The following PDE4D variants were observed in gnomAD, a reference collection of about 807,000 sequenced individuals.
PDE4D encodes phosphodiesterase 4D.
PDE4D carries 24 observed loss-of-function variants against 87.4 expected under a neutral mutation model. That is an observed-to-expected ratio of 0.27 (90% CI 0.20 to 0.39). The LOEUF (loss-of-function observed/expected upper bound fraction) is 0.39, where lower values mean the gene tolerates loss of function less well. Ranked by LOEUF, PDE4D falls within the 10% of genes least tolerant of loss-of-function variation. The probability of loss-of-function intolerance (pLI) is 1.00; values close to 1 mark genes in which losing one functional copy is unlikely to be tolerated. For synonymous variants in PDE4D, 384 were observed against 383.2 expected (o/e 1.00, Z -0.02); for missense variants, 714 against 1,041.0 (o/e 0.69, Z 4.32).
At chr5:59,795,741 G>C (rs1374123204) in intron 1 of PDE4D, among the ~76,000 whole-genome samples, 1 of 152,090 alleles carries the variant, frequency 6.6e-6, no homozygotes, top group African/African-American at 2.4e-5. Context: ...GCTATGGGTT[G>C]AATTGTGTCC....
At position 60,173,726 on chromosome 5, in the gene PDE4D, A is replaced by G. The variant is rs973646052; in HGVS notation, c.42+11831T>C. Reference sequence around the variant, plus strand: ...CCACAGAAACAGCTAATGGAGCAACAGTCAGCAGCTTCCATATATAATTTT... The same window carrying G: ...CCACAGAAACAGCTAATGGAGCAACGGTCAGCAGCTTCCATATATAATTTT... On this transcript the variant is annotated intron_variant, in intron 2 of 16. Coordinates refer to the PDE4D transcript ENST00000502484. 3.9e-5 allele frequency among the ~76,000 whole-genome samples: 6 copies of G among 152,176 alleles called. No homozygotes were observed. In the East Asian group the frequency reaches 1.2e-3, roughly 29 times the overall value.
At chr5:59,807,207 C>T (rs997085439) in intron 1 of PDE4D, among the ~76,000 whole-genome samples, 1 of 152,052 alleles carries the variant, frequency 6.6e-6, no homozygotes, top group Non-Finnish European at 1.5e-5. Context: ...AGAGGTCCTG[C>T]CCTGGGAGCC....
At chr5:60,071,292 A>AT (rs1017424549) in intron 2 of PDE4D, among the ~76,000 whole-genome samples, 2 of 151,734 alleles carry the variant, frequency 1.3e-5, no homozygotes, top group East Asian at 3.9e-4. Context: ...ATTGTTTAAG[A>AT]TTTTTTTCTT....
In PDE4D at chr5:59,653,208, A is replaced by ATTTTTTTTTTTTTTTTTTTTTTTTT. The variant is rs555841091; in HGVS notation, c.455+239959_455+239960insAAAAAAAAAAAAAAAAAAAAAAAAA. 1.6e-5 allele frequency among the ~76,000 whole-genome samples: 2 copies of ATTTTTTTTTTTTTTTTTTTTTTTTT among 125,736 alleles called. 1 individual carries two copies. The highest frequency in any genetic ancestry group is 5.0e-4 in the South Asian group (2 of 4,006). 82.5% of individuals were successfully genotyped at this position (125,736 alleles called of 152,430 possible). A position where few individuals can be genotyped will look rare whatever the true frequency, so the allele number is the denominator to read the frequency against. On this transcript the variant is annotated intron_variant, in intron 1 of 14. Coordinates refer to ENST00000340635, the MANE Select transcript of PDE4D (RefSeq NM_001104631.2). ...TCAAATAATGTTAGCAAAAAAAAAAATTTTTTTTTTTTTTTTTAGACAGAG... is the reference window on the plus strand; with the variant it reads ...TCAAATAATGTTAGCAAAAAAAAAAATTTTTTTTTTTTTTTTTTTTTTTTTTTTTTTTTTTTTTTTTTAGACAGAG...
At chr5:59,439,605 G>C (rs1010405377) in intron 1 of PDE4D, among the ~76,000 whole-genome samples, 1 of 152,176 alleles carries the variant, frequency 6.6e-6, no homozygotes, top group Non-Finnish European at 1.5e-5. Context: ...TTATGGAGCT[G>C]ACATTCCAGT....
At chr5:59,349,426 TA>T (rs1284231835) in intron 1 of PDE4D, among the ~76,000 whole-genome samples, 1 of 152,094 alleles carries the variant, frequency 6.6e-6, no homozygotes, top group African/African-American at 2.4e-5. Flanking sequence ...TTGTAAGAAG[TA>T]TTCCTTATTT....
rs530361159 is a variant in PDE4D, at chr5:59,177,125, T to C, written c.808+3470A>G. 2.0e-5 allele frequency among the ~76,000 whole-genome samples: 3 copies of C among 152,264 alleles called. No homozygotes were observed. The East Asian group carries it at 5.8e-4, about 29-fold the overall frequency. On this transcript the variant is annotated intron_variant, in intron 5 of 14. Transcript: ENST00000340635. The stretch of plus-strand genomic sequence containing the variant: ...ATCCTAACCCAATATGTGTTGGTAT[T>C]TGGAGGCCGGGCCTGTGGGAGGTGA...
chr5:59,861,649 T>A (rs1235038358), intron 1 of PDE4D, among the ~76,000 whole-genome samples: 1 of 152,224 alleles, frequency 6.6e-6, no homozygotes. Flanking sequence ...GTTCATTTTT[T>A]TTCCCCCAGC....
In PDE4D at chr5:58,993,890, A is replaced by G. The variant is rs1304230821; in HGVS notation, c.922-425T>C. Reference sequence around the variant, plus strand: ...AAGATGTATTATTAGTTATTTAGAGAAGAGAGAAACTAATTTATAGCACAT... The same window carrying G: ...AAGATGTATTATTAGTTATTTAGAGGAGAGAGAAACTAATTTATAGCACAT... On this transcript the variant is annotated intron_variant, in intron 6 of 14. Transcript: ENST00000340635. Among the ~76,000 whole-genome samples, 3 of 152,268 alleles carry G rather than the reference A, an allele frequency of 2.0e-5. No individual in the cohort carries two copies. In the East Asian group the frequency reaches 5.8e-4, roughly 29 times the overall value.
At chr5:60,182,402 A>G (rs928854352) in intron 2 of PDE4D, among the ~76,000 whole-genome samples, 7 of 152,238 alleles carry the variant, frequency 4.6e-5, no homozygotes, top group African/African-American at 1.7e-4. Flanking sequence ...TATTAAATCA[A>G]TCATCCCTTA....
intron 1 of PDE4D, among the ~76,000 whole-genome samples, chr5:59,804,675 T>C (rs1767541181): frequency 1.3e-5 from 2 of 152,220 alleles, no homozygotes; most frequent in Non-Finnish European, 2.9e-5. Context: ...CGGAAGAGTA[T>C]ACAGAATATT....
chr5:60,110,195 T>G (rs1035581631), intron 2 of PDE4D, among the ~76,000 whole-genome samples: 1 of 152,002 alleles, frequency 6.6e-6, no homozygotes, highest in Admixed American at 6.6e-5. Context: ...CTAAAAAGTT[T>G]CTGTACAGAA....
upstream of PDE4D, among the ~76,000 whole-genome samples, chr5:60,492,785 T>C (rs960452710): frequency 2.6e-5 from 4 of 151,730 alleles, no homozygotes; most frequent in Admixed American, 6.6e-5. Context: ...GAGAAATACC[T>C]AATATAAATG....
chr5:59,713,786 G>A (rs570388322), intron 1 of PDE4D, among the ~76,000 whole-genome samples: 88 of 152,334 alleles, frequency 5.8e-4, no homozygotes, highest in African/African-American at 1.5e-3. Flanking sequence ...AGAGCACCGA[G>A]AAGGAATGAG....
chr5:59,537,990 G>A (rs968592762), intron 1 of PDE4D, among the ~76,000 whole-genome samples: 2 of 152,170 alleles, frequency 1.3e-5, no homozygotes, highest in Non-Finnish European at 2.9e-5. Flanking sequence ...AGAACAGAGT[G>A]CTCAAATTGG....
At chr5:59,364,650 C>T (rs1782756568) in intron 1 of PDE4D, among the ~76,000 whole-genome samples, 1 of 152,120 alleles carries the variant, frequency 6.6e-6, no homozygotes, top group Non-Finnish European at 1.5e-5. Context: ...TGGTGAAATG[C>T]ATGAGGCAGC....
chr5:59,850,300 G>C (rs976072831), intron 1 of PDE4D, among the ~76,000 whole-genome samples: 3 of 152,018 alleles, frequency 2.0e-5, no homozygotes, highest in Admixed American at 2.0e-4. Context: ...ATAACAAAGA[G>C]GGTTACGCCA....
In PDE4D at chr5:60,406,647, T is replaced by C. The variant is rs1045450791; in HGVS notation, c.-90+81295A>G. On this transcript the variant is annotated intron_variant, in intron 1 of 16. Coordinates refer to the PDE4D transcript ENST00000502484. ...CTTTGATTATTGTGTAGGAGTTTAA[T>C]GTAAAACTCCCAAAATAGTAATATT... is the stretch of plus-strand genomic sequence containing the variant. Among the ~76,000 whole-genome samples the C allele has an allele frequency of 2.6e-5, 4 of 152,346 alleles. No homozygotes were observed. The South Asian group carries it at 6.2e-4, about 24-fold the overall frequency.
chr5:59,950,286 G>A (rs1363577266), intron 3 of PDE4D, among the ~76,000 whole-genome samples: 1 of 152,174 alleles, frequency 6.6e-6, no homozygotes, highest in Non-Finnish European at 1.5e-5. Flanking sequence ...TAGCTAGGTA[G>A]TTAGCTCTAT....
Sources: gnomAD v4.1 joint callset for allele counts (sites outside exome capture counted in the v4.1 genomes callset) on GRCh38, gnomAD v4.1.1 for gene constraint, MANE v1.5 for transcripts, NCBI Gene and HGNC (gene_info 2026-07-23, HGNC 2026-07-21) for gene names.